The following DEFB127 variants were observed in gnomAD, a reference collection of about 807,000 sequenced individuals.
DEFB127 encodes beta-defensin 127.
Under a neutral mutation model 2.4 loss-of-function variants are expected in DEFB127, and 2 were observed. The ratio of observed to expected loss-of-function variants is 0.82; its 90% CI spans 0.34 to 2.58. The LOEUF (loss-of-function observed/expected upper bound fraction) is 2.58. Ranked by LOEUF, DEFB127 falls within the 30% of genes most tolerant of loss-of-function variation. The pLI, the probability that DEFB127 is intolerant of heterozygous loss-of-function variation, is 0.11. For synonymous variants in DEFB127, 37 were observed against 39.8 expected (o/e 0.93, Z 0.26); for missense variants, 110 against 113.2 (o/e 0.97, Z 0.13).
intron 1 of DEFB127, 98 bp from the exon 2 acceptor site, chr20:158,676 T>C: frequency 3.2e-6 from 4 of 1,247,306 alleles, no homozygotes; most frequent in East Asian, 2.4e-5. Flanking sequence ...GGATACCCCA[T>C]ACCCCTAATT....
chr20:157,770 A>C (rs2054708311), intron 1 of DEFB127, among the ~76,000 whole-genome samples, 177 bp downstream of exon 1: 2 of 152,168 alleles, frequency 1.3e-5, no homozygotes, highest in Non-Finnish European at 2.9e-5. Flanking sequence ...ACTATCCTTA[A>C]AGAGGAGTAC....
At chr20:158,438 G>T (rs1217512622) in intron 1 of DEFB127, among the ~76,000 whole-genome samples, 1 of 152,132 alleles carries the variant, frequency 6.6e-6, no homozygotes, top group Non-Finnish European at 1.5e-5. Flanking sequence ...CAGGATGCAG[G>T]CAGATTTGCT....
Position 157,459 on chromosome 20 carries a change from A to C in DEFB127, c.-86A>C, listed in dbSNP as rs575850725. On this transcript the variant is annotated 5_prime_UTR_variant, in exon 1 of 2. Transcript: ENST00000382388. ...CCCATCTGTTCTGGTTCAGTGCATAAGAATCTAAGTCTCTGAGGAAGGTAG... is the reference window on the plus strand; with the variant it reads ...CCCATCTGTTCTGGTTCAGTGCATACGAATCTAAGTCTCTGAGGAAGGTAG... 5 of 1,440,422 alleles carry C rather than the reference A, an allele frequency of 3.5e-6. No individual in the cohort carries two copies. In the African/African-American group the frequency reaches 7.0e-5, roughly 20 times the overall value. The allele number at this position is 1,440,422 out of a possible 1,614,324, so 89.2% of individuals were successfully genotyped here. A position where few individuals can be genotyped will look rare whatever the true frequency, so the allele number is the denominator to read the frequency against.
intron 1 of DEFB127, among the ~76,000 whole-genome samples, chr20:158,506 T>G (rs2054712010): frequency 6.6e-6 from 1 of 152,150 alleles, no homozygotes; most frequent in African/African-American, 2.4e-5. Flanking sequence ...AGCTCCTTTA[T>G]TTTCTCAGAT....
At chr20:158,745 A>ATTGTTCTAT (rs1386303912) in intron 1 of DEFB127, 29 bp from the exon 2 acceptor site, 2 of 1,585,700 alleles carry the variant, frequency 1.3e-6, no homozygotes, top group African/African-American at 2.7e-5. Flanking sequence ...AAACACTGAT[A>ATTGTTCTAT]TTGTTCTATT....
At chr20:157,657 G>C in intron 1 of DEFB127, 64 bp downstream of exon 1, 1 of 1,577,714 alleles carries the variant, frequency 6.3e-7, no homozygotes, top group Non-Finnish European at 8.7e-7. Context: ...GAGCCAAAGG[G>C]AACTTCATAA....
At chr20:158,720 C>A in intron 1 of DEFB127, 54 bp from the exon 2 acceptor site, 3 of 1,546,552 alleles carry the variant, frequency 1.9e-6, no homozygotes, top group East Asian at 4.5e-5. Context: ...CCAAAACCAA[C>A]GTGCCTTCAG....
intron 1 of DEFB127, among the ~76,000 whole-genome samples, chr20:158,255 C>T (rs942952774): frequency 6.6e-6 from 1 of 152,146 alleles, no homozygotes; most frequent in Non-Finnish European, 1.5e-5. Flanking sequence ...CCTCTACATT[C>T]CTAAGACCCA....
chr20:157,910 T>C (rs2054708940), intron 1 of DEFB127, among the ~76,000 whole-genome samples: 1 of 142,932 alleles, frequency 7.0e-6, no homozygotes, highest in African/African-American at 2.6e-5. Flanking sequence ...CAGCTATATT[T>C]CCTTTTACTC....
At chr20:157,639 AT>A (rs1356555075) in intron 1 of DEFB127, 46 bp downstream of exon 1, 1 of 1,608,490 alleles carries the variant, frequency 6.2e-7, no homozygotes, top group African/African-American at 1.3e-5. Flanking sequence ...GGGATGGAGC[AT>A]TTTCAGGAGC....
At chr20:158,133 T>TGA (rs1311997573) in intron 1 of DEFB127, among the ~76,000 whole-genome samples, 2 of 152,172 alleles carry the variant, frequency 1.3e-5, no homozygotes, top group African/African-American at 4.8e-5. Flanking sequence ...ATAACCTATG[T>TGA]GAAGCTTGGC....
chr20:158,994 T>C lies in DEFB127; in HGVS notation c.270T>C (p.Asn90=). 2.5e-6 allele frequency: 4 copies of C among 1,610,908 alleles called. No homozygotes were observed. Among genetic ancestry groups the C allele is most frequent in the Non-Finnish European group, 3.4e-6 (4 of 1,178,966 alleles). ...TLQDYVTIIE[N]FPSLKTQST is the part of the protein sequence containing the mutation. ...AAGACTATGTTACAATAATAGAAAATTTCCCAAGCCTGAAGACACAGTCTA... is the reference window on the plus strand; with the variant it reads ...AAGACTATGTTACAATAATAGAAAACTTCCCAAGCCTGAAGACACAGTCTA... The change falls in exon 2 of 2, where the codon AAT becomes AAC. Residue 90 remains asparagine (N), a synonymous_variant. Transcript: ENST00000382388.
chr20:158,132 G>A (rs147239684), intron 1 of DEFB127, among the ~76,000 whole-genome samples: 18 of 152,248 alleles, frequency 1.2e-4, no homozygotes, highest in African/African-American at 4.3e-4. Flanking sequence ...TATAACCTAT[G>A]TGAAGCTTGG....
intron 1 of DEFB127, among the ~76,000 whole-genome samples, chr20:158,397 G>T (rs1339463657): frequency 6.6e-6 from 1 of 152,138 alleles, no homozygotes; most frequent in Non-Finnish European, 1.5e-5. Flanking sequence ...ATCAGAGGAG[G>T]TGCAGTAGAA....
Position 158,918 on chromosome 20 carries a change from A to G in DEFB127, c.194A>G (p.Lys65Arg), listed in dbSNP as rs1195895503. 2 of 1,613,672 alleles carry G rather than the reference A, an allele frequency of 1.2e-6. No homozygotes were observed. The highest frequency in any genetic ancestry group is 1.7e-5 in the Admixed American group (1 of 59,896). ...ATCAAGGAACTGGAAGCATGTAAAA[A>G]AATTACAAAGCCACCTCGTCCAAAG... The part of the protein sequence containing the change: ...LNIKELEACK[K>R]ITKPPRPKPA... Residue 65 changes from lysine to arginine, a missense_variant, in exon 2 of 2, where the codon AAA becomes AGA. Lys to Arg is a conservative substitution (Grantham distance 26). Coordinates refer to ENST00000382388, the MANE Select transcript of DEFB127 (RefSeq NM_139074.4).
rs1205134772 is a variant in DEFB127, at chr20:158,808, T to C, written c.84T>C (p.Tyr28=). The part of the protein sequence containing the change: ...TEQLKKCWNN[Y]VQGHCRKICR... ...AACTTAAGAAGTGCTGGAATAACTA[T>C]GTACAAGGACATTGCAGGAAAATCT... Residue 28 remains tyrosine (Y), a synonymous_variant, in exon 2 of 2, where the codon TAT becomes TAC. Transcript: ENST00000382388. The C allele has an allele frequency of 1.9e-6, 3 of 1,613,198 alleles. No individual in the cohort carries two copies. In the South Asian group the frequency reaches 3.3e-5, roughly 18 times the overall value.
chr20:158,326 A>T (rs910985339), intron 1 of DEFB127, among the ~76,000 whole-genome samples: 1 of 152,072 alleles, frequency 6.6e-6, no homozygotes, highest in Non-Finnish European at 1.5e-5. Context: ...GTGGGTTTGA[A>T]CTCAGGAGAA....
Position 159,153 on chromosome 20 carries a change from C to A in DEFB127, c.*129C>A. The A allele has an allele frequency of 9.4e-7, 1 of 1,065,196 alleles. No homozygotes were observed. Among genetic ancestry groups the A allele is most frequent in the Non-Finnish European group, 1.3e-6 (1 of 758,298 alleles). 66.0% of individuals were successfully genotyped at this position (1,065,196 alleles called of 1,614,324 possible). ...CCTTCGAGCATATTCTAATAAAGTGCATTGCCAGTTTTCTGTCTCATTTTG... is the reference window on the plus strand; with the variant it reads ...CCTTCGAGCATATTCTAATAAAGTGAATTGCCAGTTTTCTGTCTCATTTTG... On this transcript the variant is annotated 3_prime_UTR_variant, in exon 2 of 2. Coordinates refer to ENST00000382388, the MANE Select transcript of DEFB127 (RefSeq NM_139074.4).
In DEFB127 at chr20:157,565, T is replaced by C. The variant is rs1412198914; in HGVS notation, c.21T>C (p.Ile7=). The change falls in exon 1 of 2, where the codon ATT becomes ATC. Residue 7 remains isoleucine (I), a synonymous_variant. Transcript: ENST00000382388. MGLFMI[I]AILLFQKPTV... ...TGGCCATGGGGCTCTTCATGATCAT[T>C]GCAATTCTGCTGTTCCAGAAACCCA... 1 of 1,613,840 alleles carries C rather than the reference T, an allele frequency of 6.2e-7. No homozygotes were observed. The highest frequency in any genetic ancestry group is 2.2e-5 in the East Asian group (1 of 44,892).
Sources: gnomAD v4.1 joint callset for allele counts (sites outside exome capture counted in the v4.1 genomes callset) on GRCh38, gnomAD v4.1.1 for gene constraint, MANE v1.5 for transcripts, NCBI Gene and HGNC (gene_info 2026-07-23, HGNC 2026-07-21) for gene names.